Variants in EYS observed in about 807,000 individuals in gnomAD.
EYS encodes the protein EGF-like photoreceptor maintenance factor, also known as protein eyes shut homolog.
A neutral mutation model predicts 282.1 loss-of-function variants in EYS; 250 were observed. The observed-to-expected ratio is 0.89, with a 90% CI of 0.80 to 0.98. The LOEUF (loss-of-function observed/expected upper bound fraction) is 0.98. Ranked by LOEUF, EYS falls within the 50% of genes least tolerant of loss-of-function variation. The pLI is 0.00. For missense variants in EYS, 4,016 were observed against 3,709.0 expected (o/e 1.08, Z -2.15); for synonymous variants, 1,355 against 1,282.9 (o/e 1.06, Z -1.20).
intron 2 of EYS, among the ~76,000 whole-genome samples, chr6:65,516,787 T>C (rs1241924483): frequency 6.6e-6 from 1 of 151,982 alleles, no homozygotes; most frequent in African/African-American, 2.4e-5. Context: ...CTAAAAATTA[T>C]CCTCAAAAAA....
intron 12 of EYS, among the ~76,000 whole-genome samples, chr6:65,156,163 C>A (rs753859142): frequency 2.6e-5 from 4 of 151,188 alleles, no homozygotes; most frequent in Non-Finnish European, 4.4e-5. Flanking sequence ...GATTTGATTG[C>A]ATAAGAGGAG....
In EYS at chr6:63,788,316, CTT is replaced by C. The variant is rs1192520297; in HGVS notation, c.7579-69_7579-68del. ...CCCCAGGGTGAAATGTTAAGATACT[CTT>C]TTGTTATTTCCCATTAACTTGGCAT... On this transcript the variant is annotated intron_variant, in intron 38 of 42. Transcript: ENST00000503581. The C allele has an allele frequency of 4.7e-6, 6 of 1,275,644 alleles. No homozygotes were observed. In the Admixed American group the frequency reaches 1.2e-4, roughly 25 times the overall value. 79.0% of individuals were successfully genotyped at this position (1,275,644 alleles called of 1,614,324 possible).
chr6:63,905,005 A>G lies in EYS; in HGVS notation c.7056-40647T>C, dbSNP rs367772566. Among the ~76,000 whole-genome samples, 19 of 152,304 alleles carry G rather than the reference A, an allele frequency of 1.2e-4. No individual in the cohort carries two copies. The East Asian group carries it at 1.4e-3, about 11-fold the overall frequency. The stretch of plus-strand genomic sequence containing the variant: ...TGTCACCACTATCTAGTTCTAGAAT[A>G]TTTTTATCACCCCAAAGGAAACACC... On this transcript the variant is annotated intron_variant, in intron 35 of 42. Coordinates refer to ENST00000503581, the MANE Select transcript of EYS (RefSeq NM_001142800.2).
At chr6:65,102,592 GATAA>G (rs1299456459) in intron 12 of EYS, among the ~76,000 whole-genome samples, 7 of 150,854 alleles carry the variant, frequency 4.6e-5, no homozygotes, top group African/African-American at 1.5e-4. Flanking sequence ...AAAATATAAT[GATAA>G]ATAAAAGTAT....
At chr6:65,310,581 T>C (rs955694172) in intron 11 of EYS, among the ~76,000 whole-genome samples, 3 of 152,272 alleles carry the variant, frequency 2.0e-5, no homozygotes, top group African/African-American at 7.2e-5. Flanking sequence ...AGGCTCCATG[T>C]GACCTTGTCG....
chr6:64,833,512 C>A (rs1414939831), intron 19 of EYS, among the ~76,000 whole-genome samples: 1 of 151,762 alleles, frequency 6.6e-6, no homozygotes, highest in African/African-American at 2.4e-5. Context: ...ACTTCATGAG[C>A]TATCAAGTGA....
chr6:64,072,634 G>A (rs142445322), intron 32 of EYS, among the ~76,000 whole-genome samples: 1,522 of 151,816 alleles, frequency 0.01, 27 homozygotes, highest in African/African-American at 0.035. Context: ...GGCATAAGGC[G>A]GTTCTTCTTT....
intron 26 of EYS, among the ~76,000 whole-genome samples, chr6:64,453,740 A>G (rs1775451867): frequency 6.6e-6 from 1 of 152,186 alleles, no homozygotes; most frequent in Non-Finnish European, 1.5e-5. Context: ...CATCATTCTC[A>G]GCACACTATC....
intron 36 of EYS, among the ~76,000 whole-genome samples, chr6:63,827,795 G>C (rs1027603531): frequency 4.1e-5 from 6 of 145,374 alleles, no homozygotes; most frequent in Admixed American, 7.1e-5. Context: ...AGTGAGCTGA[G>C]ATTGCGCCAC....
chr6:65,388,887 CA>C (rs1443012811), intron 7 of EYS, among the ~76,000 whole-genome samples: 1 of 151,986 alleles, frequency 6.6e-6, no homozygotes, highest in Non-Finnish European at 1.5e-5. Flanking sequence ...TTTCTCAGGT[CA>C]AAAACTATAG....
At chr6:64,885,420 A>G (rs866667805) in intron 19 of EYS, among the ~76,000 whole-genome samples, 1 of 151,868 alleles carries the variant, frequency 6.6e-6, no homozygotes, top group South Asian at 2.1e-4. Context: ...AAATAATTTT[A>G]CAAAATGTGT....
At chr6:63,955,728 A>G (rs931678923) in intron 35 of EYS, among the ~76,000 whole-genome samples, 2 of 152,142 alleles carry the variant, frequency 1.3e-5, no homozygotes, top group Non-Finnish European at 2.9e-5. Context: ...ATAAAAAAAA[A>G]CTCAAGGATA....
chr6:64,740,377 T>A (rs1360847450), intron 22 of EYS, among the ~76,000 whole-genome samples: 1 of 152,192 alleles, frequency 6.6e-6, no homozygotes, highest in Admixed American at 6.5e-5. Context: ...ATTAGTTTCT[T>A]GTATTTCAAA....
chr6:64,012,905 G>A (rs541221696), intron 33 of EYS, among the ~76,000 whole-genome samples: 3 of 152,272 alleles, frequency 2.0e-5, no homozygotes, highest in East Asian at 3.9e-4. Context: ...TGGCCAGCCT[G>A]ACAGTACAAA....
intron 22 of EYS, among the ~76,000 whole-genome samples, chr6:64,704,352 C>T (rs1044759309): frequency 4.9e-5 from 7 of 142,260 alleles, no homozygotes; most frequent in Non-Finnish European, 1.1e-4. Context: ...AAAATAATTG[C>T]TACATTTATC....
intron 1 of EYS, among the ~76,000 whole-genome samples, chr6:65,641,593 G>A (rs1395890996): frequency 1.3e-5 from 2 of 152,150 alleles, no homozygotes; most frequent in Non-Finnish European, 2.9e-5. Context: ...GTCCTATTCT[G>A]TATTACTTAC....
At chr6:64,893,461 T>C (rs1163357246) in intron 18 of EYS, among the ~76,000 whole-genome samples, 1 of 152,096 alleles carries the variant, frequency 6.6e-6, no homozygotes. Context: ...ACTATAAAAT[T>C]ATTGCTTTTA....
intron 31 of EYS, among the ~76,000 whole-genome samples, chr6:64,178,325 T>G (rs946244857): frequency 6.6e-6 from 1 of 152,122 alleles, no homozygotes; most frequent in Non-Finnish European, 1.5e-5. Context: ...CATCTTTGAA[T>G]TTAACTGTAC....
At chr6:64,086,039 C>T (rs1772146878) in intron 31 of EYS, among the ~76,000 whole-genome samples, 1 of 152,168 alleles carries the variant, frequency 6.6e-6, no homozygotes, top group Non-Finnish European at 1.5e-5. Context: ...CTACCTTTTG[C>T]AGACTGTTTC....
Sources: gnomAD v4.1 joint callset for allele counts (sites outside exome capture counted in the v4.1 genomes callset) on GRCh38, gnomAD v4.1.1 for gene constraint, MANE v1.5 for transcripts, NCBI Gene and HGNC (gene_info 2026-07-23, HGNC 2026-07-21) for gene names.